SLC29A1: variants seen among roughly 807,000 people sequenced by gnomAD.
SLC29A1 encodes equilibrative nucleoside transporter 1.
In SLC29A1, 22 loss-of-function variants were observed where a neutral mutation model predicts 48.3. That is an observed-to-expected ratio of 0.46 (90% CI 0.33 to 0.65). SLC29A1 has a LOEUF of 0.65. Ranked by LOEUF, SLC29A1 falls within the 30% of genes least tolerant of loss-of-function variation. SLC29A1 has a pLI of 0.03. For missense variants in SLC29A1, 491 were observed against 575.3 expected, an observed-to-expected ratio of 0.85 and a Z score of 1.50; for synonymous variants, 228 against 231.0, an observed-to-expected ratio of 0.99 and a Z score of 0.12.
chr6:44,231,450 A>G lies in SLC29A1; in HGVS notation c.853A>G (p.Ile285Val), dbSNP rs1480040049. The G allele has an allele frequency of 6.2e-7, 1 of 1,601,966 alleles. No individual in the cohort carries two copies. Among genetic ancestry groups the G allele is most frequent in the East Asian group, 2.2e-5 (1 of 44,812 alleles). The change falls in exon 9 of 13, where the codon ATC becomes GTC. Residue 285 changes from isoleucine (I) to valine (V), a missense_variant. By Grantham distance (29) the Ile-to-Val change is conservative. Transcript: ENST00000371755. ...PTNESHSIKA[I>V]LKNISVLAFS... ...CAATGAAAGCCACTCTATCAAAGCC[A>G]TCCTGAAAAATGTACGTAGGGGAGG...
At chr6:44,230,506 A>G (rs2153301482) in intron 6 of SLC29A1, 25 bp downstream of exon 6, 3 of 1,613,926 alleles carry the variant, frequency 1.9e-6, no homozygotes, top group South Asian at 2.2e-5. Flanking sequence ...CTACCTGCCC[A>G]GTGCCCTGGT....
chr6:44,233,815 G>T lies in SLC29A1; in HGVS notation c.*287G>T, dbSNP rs1267314973. 4.3e-6 allele frequency: 2 copies of T among 460,748 alleles called. No homozygotes were observed. The highest frequency in any genetic ancestry group is 7.3e-5 in the Admixed American group (2 of 27,512). The allele number at this position is 460,748 out of a possible 1,614,324, so 28.5% of individuals were successfully genotyped here. A position where few individuals can be genotyped will look rare whatever the true frequency, so the allele number is the denominator to read the frequency against. On this transcript the variant is annotated 3_prime_UTR_variant, in exon 13 of 13. Transcript: ENST00000371755. ...GACTGATCCCTGCTTGTGCAGGCCA[G>T]TGGAGGCTCTTGGGCTTGGAGAACA...
Position 44,232,469 on chromosome 6 carries a change from A to G in SLC29A1, c.1059+41A>G, listed in dbSNP as rs1254630691. ...GGGCCCCAGGCCCCTGTGGGAAGTA[A>G]GAGTCCAGCCTGGACCCAGAGAGGG... On this transcript the variant is annotated intron_variant, in intron 11 of 12. Coordinates refer to ENST00000371755, the MANE Select transcript of SLC29A1 (RefSeq NM_001372327.1). The surrounding 1 kb of genome is among the most constrained non-coding windows in gnomAD (Gnocchi z 4.7). The G allele has an allele frequency of 7.2e-7, 1 of 1,380,942 alleles. No homozygotes were observed. The highest frequency in any genetic ancestry group is 1.0e-6 in the Non-Finnish European group (1 of 972,516). The allele number at this position is 1,380,942 out of a possible 1,614,324, so 85.5% of individuals were successfully genotyped here. A position where few individuals can be genotyped will look rare whatever the true frequency, so the allele number is the denominator to read the frequency against.
intron 12 of SLC29A1, 149 bp downstream of exon 12, chr6:44,233,155 A>G: frequency 1.1e-6 from 1 of 907,164 alleles, no homozygotes; most frequent in Non-Finnish European, 1.7e-6. Context: ...GGCTGAGGGG[A>G]TAGTGACTGT....
At chr6:44,226,617 G>A in intron 1 of SLC29A1, 1 of 374,208 alleles carries the variant, frequency 2.7e-6, no homozygotes, top group Non-Finnish European at 3.7e-6. Flanking sequence ...GGTGCCAACA[G>A]CAGAGAGACT....
chr6:44,219,888 C>T (rs1776134080), upstream of SLC29A1: 1 of 750,120 alleles, frequency 1.3e-6, no homozygotes, highest in Non-Finnish European at 1.9e-6. Context: ...TAGGGGGACC[C>T]GCTGGGCTAC....
chr6:44,232,345 C>G lies in SLC29A1; in HGVS notation c.976C>G (p.Arg326Gly). The part of the protein sequence containing the change: ...SSIAGSSTWE[R>G]YFIPVSCFLT... ...CACCCGTTCATCTCCTCTTCCAGAA[C>G]GTTACTTCATTCCTGTGTCCTGTTT... Residue 326 changes from arginine to glycine, a missense_variant and splice_region_variant, in exon 11 of 13, where the codon CGT becomes GGT. By Grantham distance (125) the Arg-to-Gly change is moderately radical (BLOSUM62 -2). Coordinates refer to ENST00000371755, the MANE Select transcript of SLC29A1 (RefSeq NM_001372327.1). This position sits in a 1 kb window ranked among gnomAD's most constrained non-coding sequence, Gnocchi z 4.7. 1.2e-6 allele frequency: 2 copies of G among 1,610,840 alleles called. No homozygotes were observed. Among genetic ancestry groups the G allele is most frequent in the Non-Finnish European group, 1.7e-6 (2 of 1,176,964 alleles).
Position 44,234,001 on chromosome 6 carries a change from C to G in SLC29A1, c.*473C>G. Reference sequence around the variant, plus strand: ...TCCTCTGTGTTCTCTCCATGTCCCCCTCCCAACTCCCCATGCCCAGTTCTT... The same window carrying G: ...TCCTCTGTGTTCTCTCCATGTCCCCGTCCCAACTCCCCATGCCCAGTTCTT... On this transcript the variant is annotated 3_prime_UTR_variant, in exon 13 of 13. Coordinates refer to ENST00000371755, the MANE Select transcript of SLC29A1 (RefSeq NM_001372327.1). The G allele has an allele frequency of 6.2e-6, 1 of 162,020 alleles. No individual in the cohort carries two copies. The highest frequency in any genetic ancestry group is 1.4e-5 in the Non-Finnish European group (1 of 73,968). The allele number at this position is 162,020 out of a possible 1,614,324, so 10.0% of individuals were successfully genotyped here.
rs1015924944 is a variant in SLC29A1 at position 44,223,881 on chromosome 6, G to A, written c.-52+240G>A. 3 of 998,672 alleles carry A rather than the reference G, an allele frequency of 3.0e-6. No individual in the cohort carries two copies. Among genetic ancestry groups the A allele is most frequent in the Non-Finnish European group, 3.6e-6 (3 of 838,714 alleles). The allele number at this position is 998,672 out of a possible 1,614,324, so 61.9% of individuals were successfully genotyped here. A position where few individuals can be genotyped will look rare whatever the true frequency, so the allele number is the denominator to read the frequency against. On this transcript the variant is annotated intron_variant, in intron 1 of 12. Transcript: ENST00000371755. The surrounding 1 kb of genome is among the most constrained non-coding windows in gnomAD (Gnocchi z 5.0). The stretch of plus-strand genomic sequence containing the variant: ...AGCTGGGCGGGGCGGCCTGGCTCCC[G>A]GGCCTAAAACAGGCTGCGGTCACGT...
rs181012600 is a variant in SLC29A1, at chr6:44,232,146, A to T, written c.973+40A>T. ...GGTTTCCAGGATGGGAACAGACAGG[A>T]TCTTGAGTTGGGCTGGAAGTGGGGA... On this transcript the variant is annotated intron_variant, in intron 10 of 12. Coordinates refer to ENST00000371755, the MANE Select transcript of SLC29A1 (RefSeq NM_001372327.1). This position sits in a 1 kb window ranked among gnomAD's most constrained non-coding sequence, Gnocchi z 4.7. 1.3e-6 allele frequency: 2 copies of T among 1,507,024 alleles called. No homozygotes were observed. The highest frequency in any genetic ancestry group is 1.8e-6 in the Non-Finnish European group (2 of 1,082,778). 93.4% of individuals were successfully genotyped at this position (1,507,024 alleles called of 1,614,324 possible).
chr6:44,223,571 G>C, upstream of SLC29A1: 2 of 1,209,990 alleles, frequency 1.7e-6, no homozygotes, highest in East Asian at 9.8e-5. The surrounding 1 kb of genome is among the most constrained non-coding windows in gnomAD (Gnocchi z 5.0). Flanking sequence ...GTTTGAATGT[G>C]CCCCGGCGGG....
intron 8 of SLC29A1, among the ~76,000 whole-genome samples, chr6:44,231,116 G>C (rs1159378753): frequency 6.6e-6 from 1 of 152,164 alleles, no homozygotes; most frequent in Non-Finnish European, 1.5e-5. Flanking sequence ...TTGGACTAAA[G>C]GCAGTGGGAA....
chr6:44,223,353 G>A (rs1776689329), upstream of SLC29A1, among the ~76,000 whole-genome samples: 8 of 152,048 alleles, frequency 5.3e-5, no homozygotes, highest in Admixed American at 5.2e-4. This position sits in a 1 kb window ranked among gnomAD's most constrained non-coding sequence, Gnocchi z 5.0. Flanking sequence ...CCACACGATG[G>A]ACAGACAGCC....
intron 12 of SLC29A1, 148 bp downstream of exon 12, chr6:44,233,154 G>A: frequency 1.1e-6 from 1 of 905,778 alleles, no homozygotes; most frequent in Non-Finnish European, 1.7e-6. Context: ...AGGCTGAGGG[G>A]ATAGTGACTG....
chr6:44,229,301 C>A lies in SLC29A1; in HGVS notation c.30-89C>A. ...CCCTGTGCCCTGGGACCTAGAGAGA[C>A]TGACAACGGACAGGGGCTTTCCTGG... On this transcript the variant is annotated intron_variant, in intron 2 of 12. Coordinates refer to ENST00000371755, the MANE Select transcript of SLC29A1 (RefSeq NM_001372327.1). The surrounding 1 kb of genome is among the most constrained non-coding windows in gnomAD (Gnocchi z 5.1). 9.9e-7 allele frequency: 1 copy of A among 1,012,660 alleles called. No homozygotes were observed. The highest frequency in any genetic ancestry group is 1.6e-6 in the Non-Finnish European group (1 of 631,906). 62.7% of individuals were successfully genotyped at this position (1,012,660 alleles called of 1,614,324 possible).
chr6:44,232,398 G>C lies in SLC29A1; in HGVS notation c.1029G>C (p.Leu343Phe), dbSNP rs371380962. The C allele has an allele frequency of 2.7e-5, 43 of 1,613,684 alleles. No individual in the cohort carries two copies. Among genetic ancestry groups the C allele is most frequent in the Non-Finnish European group, 3.3e-5 (39 of 1,179,634 alleles). ...CFLTFNIFDWLGRSLTAVFMW... is the reference protein window; with the variant it reads ...CFLTFNIFDWFGRSLTAVFMW... ...TGACTTTCAATATCTTTGACTGGTT[G>C]GGCCGGAGCCTCACAGCTGTATTCA... The change falls in exon 11 of 13, where the codon TTG becomes TTC. Residue 343 changes from leucine to phenylalanine, a missense_variant. Leu to Phe is a conservative substitution (Grantham distance 22). Transcript: ENST00000371755. The surrounding 1 kb of genome is among the most constrained non-coding windows in gnomAD (Gnocchi z 4.7).
Position 44,230,027 on chromosome 6 carries a change from C to T in SLC29A1, c.435C>T (p.Ile145=). 1.2e-6 allele frequency: 2 copies of T among 1,608,700 alleles called. No individual in the cohort carries two copies. The highest frequency in any genetic ancestry group is 1.7e-6 in the Non-Finnish European group (2 of 1,180,002). ...TGCCCTTCTTTGTCATCACCATGAT[C>T]AAGATCGTGCTCATTAATTGTAAGC... is the stretch of plus-strand genomic sequence containing the variant. ...DALPFFVITM[I]KIVLINSFGA... is the part of the protein sequence containing the mutation. The change falls in exon 5 of 13, where the codon ATC becomes ATT. Residue 145 remains isoleucine (I), a synonymous_variant. Coordinates refer to ENST00000371755, the MANE Select transcript of SLC29A1 (RefSeq NM_001372327.1).
intron 8 of SLC29A1, 77 bp from the exon 9 acceptor site, chr6:44,231,287 G>T: frequency 1.0e-6 from 1 of 961,248 alleles, no homozygotes; most frequent in South Asian, 1.4e-5. Flanking sequence ...AGTAATCCCA[G>T]CCGTTTTGGG....
chr6:44,229,654 C>T lies in SLC29A1; in HGVS notation c.177C>T (p.Asp59=), dbSNP rs759661754. 3.0e-5 allele frequency: 49 copies of T among 1,614,056 alleles called. No individual in the cohort carries two copies. The highest frequency in any genetic ancestry group is 9.3e-5 in the African/African-American group (7 of 74,940). ...VSLVTAELSK[D]AQASAAPAAP... ...TGGTCACTGCTGAACTGAGCAAGGACGCCCAGGCGTCAGCCGCCCCTGCAG... is the reference window on the plus strand; with the variant it reads ...TGGTCACTGCTGAACTGAGCAAGGATGCCCAGGCGTCAGCCGCCCCTGCAG... The change falls in exon 4 of 13, where the codon GAC becomes GAT. Residue 59 remains aspartate, a synonymous_variant. Coordinates refer to ENST00000371755, the MANE Select transcript of SLC29A1 (RefSeq NM_001372327.1). The surrounding 1 kb of genome is among the most constrained non-coding windows in gnomAD (Gnocchi z 5.1).
Sources: allele counts gnomAD v4.1 joint callset (sites outside exome capture counted in the v4.1 genomes callset), GRCh38; gene constraint gnomAD v4.1.1; non-coding constraint Gnocchi (gnomAD v3.1); transcripts MANE v1.5; gene names NCBI Gene and HGNC (gene_info 2026-07-23, HGNC 2026-07-21).